The following LZTS1 variants were observed in gnomAD, a reference collection of about 807,000 sequenced individuals.
LZTS1 encodes leucine zipper putative tumor suppressor 1.
In LZTS1, 31 loss-of-function variants were observed where a neutral mutation model predicts 45.8. The observed-to-expected ratio is 0.68, with a 90% CI of 0.51 to 0.91. The LOEUF (loss-of-function observed/expected upper bound fraction) is 0.91, where lower values mean the gene tolerates loss of function less well. Among genes scored for constraint, LZTS1 ranks in the 40% least tolerant of loss-of-function variants. The pLI is 0.00. For synonymous variants in LZTS1, 359 were observed against 357.3 expected (o/e 1.00, Z -0.05); for missense variants, 821 against 788.9 (o/e 1.04, Z -0.49).
intron 1 of LZTS1, among the ~76,000 whole-genome samples, chr8:20,280,829 C>T (rs1800675641): frequency 6.6e-6 from 1 of 152,176 alleles, no homozygotes; most frequent in Non-Finnish European, 1.5e-5. Context: ...TACCTTCCAC[C>T]TGGACATTAG....
chr8:20,253,409 G>A lies in LZTS1; in HGVS notation c.522C>T (p.Ser174=), dbSNP rs781704074. 6.8e-6 allele frequency: 11 copies of A among 1,611,744 alleles called. No homozygotes were observed. Among genetic ancestry groups the A allele is most frequent in the East Asian group, 4.5e-5 (2 of 44,814 alleles). Reference sequence around the variant, plus strand: ...GCAGGCTGGACATGGAGTTCCGGCCGGAGTCTGACAGCGCCCCAGAGCACA... The same window carrying A: ...GCAGGCTGGACATGGAGTTCCGGCCAGAGTCTGACAGCGCCCCAGAGCACA... The part of the protein sequence containing the change: ...PGLCSGALSD[S]GRNSMSSLPT... Residue 174 remains serine, a synonymous_variant, in exon 3 of 4, where the codon TCC becomes TCT. Transcript: ENST00000381569.
At chr8:20,283,227 G>T (rs144705572) in intron 1 of LZTS1, among the ~76,000 whole-genome samples, 3 of 152,198 alleles carry the variant, frequency 2.0e-5, no homozygotes, top group African/African-American at 7.2e-5. Flanking sequence ...AAATGCATAT[G>T]TCGAAACTTA....
chr8:20,298,624 A>T (rs1801017322), intron 1 of LZTS1, among the ~76,000 whole-genome samples: 1 of 152,210 alleles, frequency 6.6e-6, no homozygotes, highest in Non-Finnish European at 1.5e-5. Flanking sequence ...ACACTCTGGG[A>T]AGCCAAAGTG....
intron 1 of LZTS1, among the ~76,000 whole-genome samples, chr8:20,295,346 C>T (rs1447959433): frequency 3.3e-5 from 5 of 152,198 alleles, no homozygotes; most frequent in Non-Finnish European, 7.3e-5. Context: ...TAACCCTTTC[C>T]CTCCCTGGAG....
intron 1 of LZTS1, among the ~76,000 whole-genome samples, chr8:20,280,137 G>A (rs1309721815): frequency 1.3e-5 from 2 of 151,928 alleles, no homozygotes; most frequent in Admixed American, 6.6e-5. Flanking sequence ...ATTCCCTTAG[G>A]TACCACCCCA....
chr8:20,275,323 A>C (rs1800557636), intron 1 of LZTS1, among the ~76,000 whole-genome samples: 1 of 137,812 alleles, frequency 7.3e-6, no homozygotes, highest in Non-Finnish European at 1.6e-5. Flanking sequence ...AATCACTTGA[A>C]CCCGGGAGGC....
intron 1 of LZTS1, among the ~76,000 whole-genome samples, chr8:20,265,676 CAAAAAAAAAAA>C (rs71222140): frequency 2.1e-4 from 9 of 42,996 alleles, no homozygotes; most frequent in Admixed American, 1.2e-3. Context: ...GACTCTGTCT[CAAAAAAAAAAA>C]AAAAAAAAAA....
chr8:20,263,213 T>A (rs1309524575), intron 1 of LZTS1, among the ~76,000 whole-genome samples: 1 of 152,122 alleles, frequency 6.6e-6, no homozygotes, highest in Admixed American at 6.5e-5. Context: ...ACGACCGCCT[T>A]GAACTTGGAA....
chr8:20,277,503 G>C (rs1339254901), intron 1 of LZTS1, among the ~76,000 whole-genome samples: 1 of 152,094 alleles, frequency 6.6e-6, no homozygotes, highest in Non-Finnish European at 1.5e-5. Flanking sequence ...ATTCTTTCTT[G>C]AGCAAGGTCC....
At chr8:20,291,652 G>T (rs1225502410) in intron 1 of LZTS1, among the ~76,000 whole-genome samples, 2 of 151,184 alleles carry the variant, frequency 1.3e-5, no homozygotes, top group African/African-American at 4.9e-5. Flanking sequence ...AGAAAGTAAA[G>T]ATTGCCTTGC....
intron 1 of LZTS1, among the ~76,000 whole-genome samples, chr8:20,295,573 G>A (rs1385843760): frequency 6.6e-6 from 1 of 152,188 alleles, no homozygotes; most frequent in Non-Finnish European, 1.5e-5. Flanking sequence ...TATATCAGAT[G>A]CGGGACACAC....
intron 1 of LZTS1, among the ~76,000 whole-genome samples, chr8:20,286,967 T>G (rs1585300394): frequency 6.6e-6 from 1 of 150,568 alleles, no homozygotes; most frequent in Non-Finnish European, 1.5e-5. Flanking sequence ...TTCCGGGGGG[T>G]ACTTTTAATG....
At chr8:20,279,586 C>T (rs2128897048) in intron 1 of LZTS1, among the ~76,000 whole-genome samples, 1 of 150,154 alleles carries the variant, frequency 6.7e-6, no homozygotes, top group African/African-American at 2.5e-5. Context: ...CCTGAAGTCC[C>T]AGCTACTGAG....
chr8:20,277,917 A>G (rs1243048921), intron 1 of LZTS1, among the ~76,000 whole-genome samples: 2 of 152,152 alleles, frequency 1.3e-5, no homozygotes, highest in Non-Finnish European at 2.9e-5. Context: ...GTGTGTGTGG[A>G]AACACTCCCA....
At chr8:20,270,573 G>A (rs575731508) in intron 1 of LZTS1, among the ~76,000 whole-genome samples, 5 of 152,298 alleles carry the variant, frequency 3.3e-5, no homozygotes, top group African/African-American at 1.2e-4. Context: ...AGGCTGGAAA[G>A]CCCTCTGCCA....
chr8:20,274,586 A>C (rs1301669497), intron 1 of LZTS1, among the ~76,000 whole-genome samples: 1 of 152,096 alleles, frequency 6.6e-6, no homozygotes, highest in Non-Finnish European at 1.5e-5. Flanking sequence ...CCTTATGTGG[A>C]GATAAGATTA....
chr8:20,282,907 A>G (rs1800721204), intron 1 of LZTS1, among the ~76,000 whole-genome samples: 1 of 152,210 alleles, frequency 6.6e-6, no homozygotes, highest in Non-Finnish European at 1.5e-5. Flanking sequence ...ATAGTAGTAG[A>G]TACTCATACA....
chr8:20,255,633 T>C (rs1800080850), intron 1 of LZTS1, among the ~76,000 whole-genome samples: 1 of 151,958 alleles, frequency 6.6e-6, no homozygotes, highest in African/African-American at 2.4e-5. Context: ...CTATAGCAAG[T>C]GGTACCAGTG....
intron 1 of LZTS1, among the ~76,000 whole-genome samples, chr8:20,264,728 C>T (rs540566008): frequency 1.3e-5 from 2 of 152,308 alleles, no homozygotes; most frequent in South Asian, 4.1e-4. Context: ...AGGACCTCGG[C>T]CGTCCTCTGC....
Sources: allele counts gnomAD v4.1 joint callset (sites outside exome capture counted in the v4.1 genomes callset), GRCh38; gene constraint gnomAD v4.1.1; transcripts MANE v1.5; gene names NCBI Gene and HGNC (gene_info 2026-07-23, HGNC 2026-07-21).